The following BTN3A3 variants were observed in gnomAD, a reference collection of about 807,000 sequenced individuals.
The protein encoded by BTN3A3 is butyrophilin subfamily 3 member A3.
In BTN3A3, 39 loss-of-function variants were observed where a neutral mutation model predicts 43.2. The observed-to-expected ratio is 0.90, with a 90% confidence interval of 0.70 to 1.18. The LOEUF (loss-of-function observed/expected upper bound fraction) is 1.18. BTN3A3 is among the 50% of genes most tolerant of loss of function. The probability of loss-of-function intolerance (pLI) is 0.00; values close to 1 mark genes in which losing one functional copy is unlikely to be tolerated. For missense variants in BTN3A3, 631 were observed against 722.8 expected (o/e 0.87, Z 1.46); for synonymous variants, 255 against 272.7 (o/e 0.93, Z 0.64).
At chr6:26,450,172 G>A (rs1177193236) in intron 10 of BTN3A3, 39 bp downstream of exon 10, 2 of 1,601,832 alleles carry the variant, frequency 1.2e-6, no homozygotes, top group Non-Finnish European at 1.7e-6. Context: ...TCAACAACCT[G>A]AGGGACTATA....
chr6:26,450,148 G>A lies in BTN3A3; in HGVS notation c.1018+15G>A, dbSNP rs1372167738. 6 of 1,611,886 alleles carry A rather than the reference G, an allele frequency of 3.7e-6. No homozygotes were observed. Among genetic ancestry groups the A allele is most frequent in the Non-Finnish European group, 5.1e-6 (6 of 1,178,150 alleles). On this transcript the variant is annotated intron_variant, in intron 10 of 10. Transcript: ENST00000244519. ...CTTCAAACCTGGTGAGTAAATCACT[G>A]TATGTTCCCTGGATCAACAACCTGA...
Position 26,444,014 on chromosome 6 carries a change from C to T in BTN3A3, c.143C>T (p.Ala48Val), listed in dbSNP as rs768325198. 6.2e-7 allele frequency: 1 copy of T among 1,613,978 alleles called. No individual in the cohort carries two copies. The highest frequency in any genetic ancestry group is 1.3e-5 in the African/African-American group (1 of 75,032). The change falls in exon 4 of 11, where the codon GCT becomes GTT. Residue 48 changes from alanine (A) to valine (V), a missense_variant. This residue lies in a region of BTN3A3 where 80 missense variants were observed against 138.7 expected (regional missense o/e 0.58). Transcript: ENST00000244519. ...ATCCTGGCCATGGTGGGTGAAGACG[C>T]TGATCTGCCCTGTCACCTGTTCCCG... Reference protein sequence around the residue: ...GPILAMVGEDADLPCHLFPTM... With the variant: ...GPILAMVGEDVDLPCHLFPTM...
At position 26,448,629 on chromosome 6, in the gene BTN3A3, A is replaced by G; in HGVS notation, c.929A>G (p.Glu310Gly). The change falls in exon 7 of 11, where the codon GAG becomes GGG. Residue 310 changes from glutamate to glycine, a missense_variant. Physicochemically the swap from Glu to Gly is moderately conservative, Grantham distance 98. This residue lies in a region of BTN3A3 where 551 missense variants were observed against 584.0 expected (regional missense o/e 0.94). Coordinates refer to ENST00000244519, the MANE Select transcript of BTN3A3 (RefSeq NM_006994.5). ...GCTTATTTTCCAGAGAAGCTCCAGGAGGAACTCAGTAAGTTCCCATTCCCC... is the reference window on the plus strand; with the variant it reads ...GCTTATTTTCCAGAGAAGCTCCAGGGGGAACTCAGTAAGTTCCCATTCCCC... Reference protein sequence around the residue: ...QEISLREKLQEELKWRKIQYM... With the variant: ...QEISLREKLQGELKWRKIQYM... The G allele has an allele frequency of 6.2e-7, 1 of 1,613,808 alleles. No individual in the cohort carries two copies. The highest frequency in any genetic ancestry group is 8.5e-7 in the Non-Finnish European group (1 of 1,179,968).
At chr6:26,448,925 G>A (rs1451643615) in intron 8 of BTN3A3, among the ~76,000 whole-genome samples, 171 bp downstream of exon 8, 1 of 151,762 alleles carries the variant, frequency 6.6e-6, no homozygotes, top group Admixed American at 6.6e-5. Flanking sequence ...CCCAGAAGGA[G>A]TCTCTCTCTC....
rs17611438 is a variant in BTN3A3 at position 26,443,625 on chromosome 6, C to A, written c.51C>A (p.Ser17=). The A allele has an allele frequency of 0.16, 256,582 of 1,613,958 alleles. 21,785 individuals carry two copies. The highest frequency in any genetic ancestry group is 0.22 in the South Asian group (20,250 of 91,060). The part of the protein sequence containing the change: ...LAFLLLNFHV[S]LFLVQLLTPC... Reference sequence around the variant, plus strand: ...TCCTTCTGCTCAACTTTCATGTCTCCCTCTTCTTGGTCCAGCTGCTCACTC... The same window carrying A: ...TCCTTCTGCTCAACTTTCATGTCTCACTCTTCTTGGTCCAGCTGCTCACTC... The change falls in exon 3 of 11, where the codon TCC becomes TCA. Residue 17 remains serine, a synonymous_variant. Coordinates refer to ENST00000244519, the MANE Select transcript of BTN3A3 (RefSeq NM_006994.5).
At position 26,445,838 on chromosome 6, in the gene BTN3A3, G is replaced by A. The variant is rs201388694; in HGVS notation, c.568G>A (p.Val190Met). ...SDTKGENIPA[V>M]EAPVVADGVG... ...CACCAAGGGAGAGAACATCCCGGCT[G>A]TGGAAGCACCTGTGGTTGCAGATGG... The change falls in exon 5 of 11, where the codon GTG becomes ATG. Residue 190 changes from valine (V) to methionine (M), a missense_variant. Val to Met is a conservative substitution (Grantham distance 21). Transcript: ENST00000244519. 2.2e-4 allele frequency: 355 copies of A among 1,614,242 alleles called. No homozygotes were observed. Among genetic ancestry groups the A allele is most frequent in the Admixed American group, 6.3e-4 (38 of 60,030 alleles).
At chr6:26,447,600 T>G (rs1350401429) in intron 5 of BTN3A3, among the ~76,000 whole-genome samples, 1 of 152,208 alleles carries the variant, frequency 6.6e-6, no homozygotes, top group East Asian at 1.9e-4. Context: ...TGACCTCAAG[T>G]GATCTGCCTG....
Position 26,445,136 on chromosome 6 carries a change from T to C in BTN3A3, c.434-568T>C, listed in dbSNP as rs115633130. The C allele has an allele frequency of 3.0e-3, 478 of 160,026 alleles. 3 individuals are homozygous for C. Among genetic ancestry groups the C allele is most frequent in the African/African-American group, 8.8e-3 (367 of 41,578 alleles). The allele number at this position is 160,026 out of a possible 1,614,324, so 9.9% of individuals were successfully genotyped here. On this transcript the variant is annotated intron_variant, in intron 4 of 10. Transcript: ENST00000244519. ...GGGTGGTCTTGTATTTCCCATGATC[T>C]GTCACAGTGATAAAGTACTATTTTT...
intron 4 of BTN3A3, chr6:26,445,461 C>T (rs1319097396): frequency 3.5e-5 from 19 of 549,894 alleles, no homozygotes; most frequent in Admixed American, 9.4e-5. Flanking sequence ...TTTATGTCTC[C>T]GGAACAGATC....
chr6:26,443,017 T>A (rs1314464223), intron 1 of BTN3A3, among the ~76,000 whole-genome samples: 1 of 152,226 alleles, frequency 6.6e-6, no homozygotes, highest in Non-Finnish European at 1.5e-5. Context: ...CCTGGTCTTA[T>A]TCAAAGCTCT....
Position 26,448,394 on chromosome 6 carries a change from C to A in BTN3A3, c.862C>A (p.Arg288=). Residue 288 remains arginine, a synonymous_variant, in exon 6 of 11, where the codon CGA becomes AGA. Coordinates refer to ENST00000244519, the MANE Select transcript of BTN3A3 (RefSeq NM_006994.5). ...TCTGTCCAGGGAGACAGAAAGAGAGCGAGAGATGAAAGAAATGGGATACGC... is the reference window on the plus strand; with the variant it reads ...TCTGTCCAGGGAGACAGAAAGAGAGAGAGAGATGAAAGAAATGGGATACGC... The part of the protein sequence containing the change: ...IALSRETERE[R]EMKEMGYAAT... 1 of 1,613,638 alleles carries A rather than the reference C, an allele frequency of 6.2e-7. No individual in the cohort carries two copies. Among genetic ancestry groups the A allele is most frequent in the Non-Finnish European group, 8.5e-7 (1 of 1,179,920 alleles).
chr6:26,448,778 T>C (rs1762851980), intron 8 of BTN3A3, 24 bp downstream of exon 8: 1 of 1,613,334 alleles, frequency 6.2e-7, no homozygotes, highest in Admixed American at 1.7e-5. Context: ...ACATTTTCTC[T>C]GAATTTGAAT....
intron 5 of BTN3A3, among the ~76,000 whole-genome samples, chr6:26,446,809 ACCT>A (rs1762790866): frequency 6.6e-6 from 1 of 151,854 alleles, no homozygotes; most frequent in Non-Finnish European, 1.5e-5. Context: ...GCTCACTGCA[ACCT>A]CCTCCTCCTG....
At chr6:26,441,536 C>T (rs1299197263) in intron 1 of BTN3A3, among the ~76,000 whole-genome samples, 1 of 150,786 alleles carries the variant, frequency 6.6e-6, no homozygotes, top group Non-Finnish European at 1.5e-5. Flanking sequence ...ATAAGTGGAA[C>T]TTTTGGGTAA....
rs1762598881 is a variant in BTN3A3 at position 26,440,634 on chromosome 6, G to A, written c.-81G>A. 1 of 152,288 alleles carries A rather than the reference G, an allele frequency of 6.6e-6. No individual in the cohort carries two copies. Among genetic ancestry groups the A allele is most frequent in the African/African-American group, 2.4e-5 (1 of 41,466 alleles). 9.4% of individuals were successfully genotyped at this position (152,288 alleles called of 1,614,324 possible). A position where few individuals can be genotyped will look rare whatever the true frequency, so the allele number is the denominator to read the frequency against. On this transcript the variant is annotated 5_prime_UTR_variant, in exon 1 of 11. Transcript: ENST00000244519. ...TCTTCAGTGGGCTGTGATTTTCAGA[G>A]GGGAATACTAAGAAGTAAGTGGGGA...
At chr6:26,441,105 T>C (rs1057267031) in intron 1 of BTN3A3, among the ~76,000 whole-genome samples, 2 of 152,166 alleles carry the variant, frequency 1.3e-5, no homozygotes, top group Non-Finnish European at 2.9e-5. Flanking sequence ...GAAATACTTA[T>C]AATATAGAAA....
chr6:26,445,381 C>A, intron 4 of BTN3A3: 1 of 307,330 alleles, frequency 3.3e-6, no homozygotes, highest in Non-Finnish European at 6.1e-6. Context: ...GCAAGATTCC[C>A]TCAGGCTGGC....
At chr6:26,442,271 A>G (rs1415308636) in intron 1 of BTN3A3, among the ~76,000 whole-genome samples, 1 of 152,240 alleles carries the variant, frequency 6.6e-6, no homozygotes, top group Non-Finnish European at 1.5e-5. Context: ...TATATGTTCC[A>G]GTCAGTATTA....
In BTN3A3 at chr6:26,452,730, A is replaced by T; in HGVS notation, c.*319A>T. On this transcript the variant is annotated 3_prime_UTR_variant, in exon 11 of 11. Coordinates refer to ENST00000244519, the MANE Select transcript of BTN3A3 (RefSeq NM_006994.5). ...AGTAACTTACATAACTCATACAGTA[A>T]TTTGTGCAGTTGGGAGATGTTCAGC... 1 of 274,166 alleles carries T rather than the reference A, an allele frequency of 3.6e-6. No individual in the cohort carries two copies. Among genetic ancestry groups the T allele is most frequent in the Non-Finnish European group, 6.9e-6 (1 of 144,484 alleles). The allele number at this position is 274,166 out of a possible 1,614,324, so 17.0% of individuals were successfully genotyped here.
Sources: allele counts gnomAD v4.1 joint callset (sites outside exome capture counted in the v4.1 genomes callset), GRCh38; gene constraint gnomAD v4.1.1; regional missense constraint gnomAD v4.1.1; transcripts MANE v1.5; gene names NCBI Gene and HGNC (gene_info 2026-07-23, HGNC 2026-07-21).